Variants in IMMP2L observed in about 807,000 individuals in gnomAD.
The protein encoded by IMMP2L is inner mitochondrial membrane peptidase subunit 2, also known as mitochondrial inner membrane protease subunit 2.
IMMP2L carries 18 observed loss-of-function variants against 19.3 expected under a neutral mutation model. The observed-to-expected ratio is 0.93, with a 90% confidence interval of 0.64 to 1.38. IMMP2L has a LOEUF of 1.38. Ranked by LOEUF, IMMP2L falls within the 40% of genes most tolerant of loss-of-function variation. The probability of loss-of-function intolerance (pLI) is 0.00; values close to 1 mark genes in which losing one functional copy is unlikely to be tolerated. For synonymous variants in IMMP2L, 76 were observed against 73.0 expected, an observed-to-expected ratio of 1.04 and a Z score of -0.21; for missense variants, 233 against 218.2, an observed-to-expected ratio of 1.07 and a Z score of -0.43.
intron 3 of IMMP2L, among the ~76,000 whole-genome samples, chr7:111,158,767 G>A (rs1040593034): frequency 1.3e-5 from 2 of 152,020 alleles, no homozygotes; most frequent in Non-Finnish European, 2.9e-5. Flanking sequence ...TCAAACTGAA[G>A]AACAAATAAT....
chr7:110,883,268 C>T lies in IMMP2L; in HGVS notation c.408+3325G>A, dbSNP rs189478827. On this transcript the variant is annotated intron_variant, in intron 5 of 5. Transcript: ENST00000405709. ...CCATGGAATTTTAATAATTCATTTT[C>T]CACAGTTGTCTGTTTATCATCACTT... Among the ~76,000 whole-genome samples, 740 of 152,176 alleles carry T rather than the reference C, an allele frequency of 4.9e-3. 28 individuals carry two copies. The highest frequency in any genetic ancestry group is 0.043 in the Admixed American group (657 of 15,254).
intron 3 of IMMP2L, among the ~76,000 whole-genome samples, chr7:110,990,013 G>T (rs1195629299): frequency 6.6e-6 from 1 of 152,036 alleles, no homozygotes; most frequent in Non-Finnish European, 1.5e-5. Context: ...TCCATCAAGA[G>T]ATTTGCTCAA....
intron 3 of IMMP2L, among the ~76,000 whole-genome samples, chr7:111,384,222 AG>A (rs1831496177): frequency 9.6e-6 from 1 of 103,978 alleles, no homozygotes; most frequent in Admixed American, 8.6e-5. Flanking sequence ...GAGAGGAGAG[AG>A]GAGAAAGGAG....
At chr7:111,281,726 CTGTTA>C (rs1485350044) in intron 3 of IMMP2L, among the ~76,000 whole-genome samples, 1 of 152,038 alleles carries the variant, frequency 6.6e-6, no homozygotes. Flanking sequence ...TGGGGGTACT[CTGTTA>C]TAAGTCAAGG....
intron 3 of IMMP2L, among the ~76,000 whole-genome samples, chr7:111,172,705 T>A (rs1308611637): frequency 6.6e-6 from 1 of 151,570 alleles, no homozygotes; most frequent in Non-Finnish European, 1.5e-5. Context: ...TTCTATGAGA[T>A]CAACTTTTAA....
chr7:110,746,393 G>A (rs1797348966), intron 5 of IMMP2L, among the ~76,000 whole-genome samples: 1 of 152,042 alleles, frequency 6.6e-6, no homozygotes, highest in African/African-American at 2.4e-5. Flanking sequence ...ACTCAGCTCT[G>A]GACCAAGCAA....
intron 5 of IMMP2L, among the ~76,000 whole-genome samples, chr7:110,821,931 G>T (rs1399996291): frequency 6.6e-6 from 1 of 151,706 alleles, no homozygotes; most frequent in African/African-American, 2.4e-5. Flanking sequence ...TCAAAAAAAA[G>T]GTAAAATTCA....
intron 3 of IMMP2L, among the ~76,000 whole-genome samples, chr7:111,316,824 T>C (rs1824135144): frequency 6.6e-6 from 1 of 150,866 alleles, no homozygotes. Context: ...GAGAGAGATA[T>C]TGTTGGCTCC....
intron 1 of IMMP2L, among the ~76,000 whole-genome samples, chr7:111,537,851 C>A (rs572764159): frequency 2.6e-5 from 4 of 152,028 alleles, no homozygotes; most frequent in South Asian, 4.1e-4. Context: ...TTTCACAGCA[C>A]ATCATGCTTC....
At chr7:110,744,859 A>G (rs1435744218) in intron 5 of IMMP2L, among the ~76,000 whole-genome samples, 1 of 152,024 alleles carries the variant, frequency 6.6e-6, no homozygotes, top group Non-Finnish European at 1.5e-5. Context: ...AAGGATCACA[A>G]CTCCTCGCCA....
chr7:111,263,639 T>A lies in IMMP2L; in HGVS notation c.239+223599A>T, dbSNP rs1263210688. ...GTCATCAGCATATCAATGGTATTTT[T>A]AAACCACAAGCCTGGATGAAATCAC... On this transcript the variant is annotated intron_variant, in intron 3 of 5. Transcript: ENST00000405709. Among the ~76,000 whole-genome samples, 3 of 152,138 alleles carry A rather than the reference T, an allele frequency of 2.0e-5. No individual in the cohort carries two copies. The East Asian group carries it at 5.8e-4, about 29-fold the overall frequency.
chr7:110,679,693 G>T (rs1792570215), intron 5 of IMMP2L, among the ~76,000 whole-genome samples: 1 of 152,136 alleles, frequency 6.6e-6, no homozygotes, highest in Non-Finnish European at 1.5e-5. Flanking sequence ...TCATCTGGGT[G>T]GCTATCTGGC....
At chr7:111,061,946 T>G (rs528087455) in intron 3 of IMMP2L, among the ~76,000 whole-genome samples, 1 of 152,346 alleles carries the variant, frequency 6.6e-6, no homozygotes, top group East Asian at 1.9e-4. Context: ...ATTCCTTCTT[T>G]ACAGAGTGCT....
chr7:111,356,303 T>G (rs1480626823), intron 3 of IMMP2L, among the ~76,000 whole-genome samples: 1 of 151,404 alleles, frequency 6.6e-6, no homozygotes, highest in Non-Finnish European at 1.5e-5. Context: ...TTTGCATCTC[T>G]TAACATGTAT....
chr7:111,043,644 T>C (rs1792105493), intron 3 of IMMP2L, among the ~76,000 whole-genome samples: 2 of 152,138 alleles, frequency 1.3e-5, no homozygotes, highest in South Asian at 2.1e-4. Context: ...TACTGGAAAA[T>C]GCAAATATCA....
In IMMP2L at chr7:111,036,526, C is replaced by T. The variant is rs1791373358; in HGVS notation, c.240-72961G>A. 2.6e-5 allele frequency among the ~76,000 whole-genome samples: 4 copies of T among 152,044 alleles called. No homozygotes were observed. In the South Asian group the frequency reaches 8.3e-4, roughly 32 times the overall value. On this transcript the variant is annotated intron_variant, in intron 3 of 5. Transcript: ENST00000405709. ...TTAGAATTTATCTCTAGACACTTAA[C>T]TAGATTATAAGCATCAGGATCCTCT...
intron 3 of IMMP2L, among the ~76,000 whole-genome samples, chr7:111,108,646 C>A (rs1469485398): frequency 1.3e-5 from 2 of 151,922 alleles, no homozygotes; most frequent in Non-Finnish European, 2.9e-5. Context: ...TTTAATTATA[C>A]CCTTCTAAAG....
chr7:111,069,806 C>T (rs568906828), intron 3 of IMMP2L, among the ~76,000 whole-genome samples: 1 of 152,088 alleles, frequency 6.6e-6, no homozygotes, highest in Non-Finnish European at 1.5e-5. Context: ...AAAAAATTGA[C>T]CCCCAGGATC....
chr7:111,128,793 C>A (rs888262832), intron 3 of IMMP2L, among the ~76,000 whole-genome samples: 2 of 152,128 alleles, frequency 1.3e-5, no homozygotes, highest in Admixed American at 6.5e-5. Context: ...CCACTGCATG[C>A]CACGCTGGCA....
Sources: allele counts gnomAD v4.1 joint callset (sites outside exome capture counted in the v4.1 genomes callset), GRCh38; gene constraint gnomAD v4.1.1; transcripts MANE v1.5; gene names NCBI Gene and HGNC (gene_info 2026-07-23, HGNC 2026-07-21).